CREBRF: variants seen among roughly 807,000 people sequenced by gnomAD.
CREBRF encodes CREB3 regulatory factor.
A neutral mutation model predicts 66.1 loss-of-function variants in CREBRF; 5 were observed. The observed-to-expected ratio is 0.08, with a 90% confidence interval of 0.04 to 0.16. The LOEUF is 0.16. CREBRF is among the 10% of genes least tolerant of loss of function. The pLI is 1.00. For synonymous variants in CREBRF, 229 were observed against 264.4 expected (o/e 0.87, Z 1.30); for missense variants, 531 against 744.9 (o/e 0.71, Z 3.34).
chr5:173,073,802 C>T (rs905577975), intron 1 of CREBRF, among the ~76,000 whole-genome samples: 1 of 151,812 alleles, frequency 6.6e-6, no homozygotes, highest in African/African-American at 2.4e-5. Context: ...ACCGTCTCTA[C>T]TAAAGATACA....
chr5:173,082,026 T>TTTTTTTTTTTTTTTTTTTTTTTTTTG (rs1757969455), intron 2 of CREBRF, among the ~76,000 whole-genome samples: 1 of 102,246 alleles, frequency 9.8e-6, no homozygotes, highest in Non-Finnish European at 2.2e-5. Context: ...TTTTTTTTTT[T>TTTTTTTTTTTTTTTTTTTTTTTTTTG]TTTTTGAGCT....
intron 1 of CREBRF, among the ~76,000 whole-genome samples, chr5:173,059,265 CT>C (rs60946984): frequency 0.18 from 12,075 of 65,302 alleles, 657 homozygotes; most frequent in African/African-American, 0.29. Context: ...TCTTTTTTTT[CT>C]TTTTTTTTTT....
intron 4 of CREBRF, among the ~76,000 whole-genome samples, chr5:173,099,739 CAT>C (rs2113754912): frequency 6.6e-6 from 1 of 152,064 alleles, no homozygotes; most frequent in East Asian, 1.9e-4. Flanking sequence ...TTGTGATTAT[CAT>C]GGGGCTTACA....
chr5:173,068,140 C>G (rs1352619648), intron 1 of CREBRF: 1 of 453,816 alleles, frequency 2.2e-6, no homozygotes. Context: ...AAGTTAAAAA[C>G]TAACGAGTTA....
At chr5:173,094,174 T>C (rs746465259) in intron 4 of CREBRF, among the ~76,000 whole-genome samples, 13 of 152,206 alleles carry the variant, frequency 8.5e-5, no homozygotes, top group Non-Finnish European at 1.3e-4. Context: ...ATTTTCTTTA[T>C]GTATATGTTC....
intron 1 of CREBRF, among the ~76,000 whole-genome samples, chr5:173,067,809 G>T (rs891962641): frequency 2.0e-5 from 3 of 152,076 alleles, no homozygotes; most frequent in Non-Finnish European, 4.4e-5. Flanking sequence ...GACCATCTTG[G>T]CTAACGCAGT....
At chr5:173,115,095 T>C (rs924723468) in intron 7 of CREBRF, among the ~76,000 whole-genome samples, 1 of 152,062 alleles carries the variant, frequency 6.6e-6, no homozygotes, top group African/African-American at 2.4e-5. Flanking sequence ...TTTTTTCTTT[T>C]TCTTTTCTTT....
intron 7 of CREBRF, 146 bp from the exon 8 acceptor site, chr5:173,122,933 AT>A: frequency 1.7e-6 from 1 of 604,958 alleles, no homozygotes; most frequent in Non-Finnish European, 2.7e-6. Flanking sequence ...TGAACTCATC[AT>A]TTTTTATGGC....
chr5:173,118,401 G>GT (rs1361461742), intron 7 of CREBRF, among the ~76,000 whole-genome samples: 1 of 151,818 alleles, frequency 6.6e-6, no homozygotes, highest in Non-Finnish European at 1.5e-5. Context: ...GTTTTGTGTT[G>GT]TAAGAAACCT....
intron 1 of CREBRF, among the ~76,000 whole-genome samples, chr5:173,065,951 T>A (rs1757425977): frequency 6.6e-6 from 1 of 152,124 alleles, no homozygotes; most frequent in Non-Finnish European, 1.5e-5. Flanking sequence ...GGGTTTCTCT[T>A]TGCCCCTACC....
intron 7 of CREBRF, among the ~76,000 whole-genome samples, chr5:173,115,496 C>T (rs1385077466): frequency 6.6e-6 from 1 of 152,186 alleles, no homozygotes; most frequent in Non-Finnish European, 1.5e-5. Flanking sequence ...AGCCTTTATG[C>T]AAATATCCTT....
At chr5:173,065,355 A>G (rs1757402967) in intron 1 of CREBRF, among the ~76,000 whole-genome samples, 1 of 152,162 alleles carries the variant, frequency 6.6e-6, no homozygotes, top group Non-Finnish European at 1.5e-5. Flanking sequence ...CTGATGTGTA[A>G]GATTTAGGAG....
intron 1 of CREBRF, chr5:173,068,209 G>A: frequency 2.4e-6 from 1 of 423,674 alleles, no homozygotes; most frequent in Non-Finnish European, 4.8e-6. Flanking sequence ...ACTGCCTGAT[G>A]GAGGAGTGGA....
intron 3 of CREBRF, 44 bp downstream of exon 3, chr5:173,086,670 A>G: frequency 6.5e-7 from 1 of 1,547,736 alleles, no homozygotes; most frequent in Non-Finnish European, 8.7e-7. Flanking sequence ...GATTTGGGGT[A>G]AAAGTTTGTG....
At chr5:173,075,929 A>AT (rs1757747828) in intron 1 of CREBRF, among the ~76,000 whole-genome samples, 1 of 151,986 alleles carries the variant, frequency 6.6e-6, no homozygotes, top group African/African-American at 2.4e-5. Flanking sequence ...TTTAAAGAAA[A>AT]GAGATTTATC....
intron 2 of CREBRF, 66 bp downstream of exon 2, chr5:173,080,850 T>A: frequency 6.8e-7 from 1 of 1,480,362 alleles, no homozygotes; most frequent in Non-Finnish European, 9.4e-7. Context: ...TACCTTTGAC[T>A]CTTAAATGAA....
intron 4 of CREBRF, among the ~76,000 whole-genome samples, chr5:173,094,351 G>A (rs757799684): frequency 1.3e-5 from 2 of 152,092 alleles, no homozygotes; most frequent in South Asian, 2.1e-4. Flanking sequence ...ATTTTTTGAG[G>A]AACTTCCATG....
rs1157307750 is a variant in CREBRF, at chr5:173,138,769, A to G, written c.*5024A>G. The G allele has an allele frequency of 6.6e-6, 1 of 152,032 alleles. No homozygotes were observed. Among genetic ancestry groups the G allele is most frequent in the African/African-American group, 2.4e-5 (1 of 41,380 alleles). The allele number at this position is 152,032 out of a possible 1,614,324, so 9.4% of individuals were successfully genotyped here. On this transcript the variant is annotated 3_prime_UTR_variant, in exon 9 of 9. Transcript: ENST00000296953. ...TGTGTACTGTATCTGCCTTTCCACCACATTTTTATGACACTGTATTCCACT... is the reference window on the plus strand; with the variant it reads ...TGTGTACTGTATCTGCCTTTCCACCGCATTTTTATGACACTGTATTCCACT...
In CREBRF at chr5:173,134,203, C is replaced by T. The variant is rs1361730232; in HGVS notation, c.*458C>T. 2 of 151,196 alleles carry T rather than the reference C, an allele frequency of 1.3e-5. No individual in the cohort carries two copies. Among genetic ancestry groups the T allele is most frequent in the Non-Finnish European group, 2.9e-5 (2 of 68,458 alleles). The allele number at this position is 151,196 out of a possible 1,614,324, so 9.4% of individuals were successfully genotyped here. ...TAATCTCACTTGTATATGGCACACC[C>T]AGCACTTGTGCCTGTGGGCCATATT... is the stretch of plus-strand genomic sequence containing the variant. On this transcript the variant is annotated 3_prime_UTR_variant, in exon 9 of 9. Transcript: ENST00000296953.
Sources: gnomAD v4.1 joint callset for allele counts (sites outside exome capture counted in the v4.1 genomes callset) on GRCh38, gnomAD v4.1.1 for gene constraint, MANE v1.5 for transcripts, NCBI Gene and HGNC (gene_info 2026-07-23, HGNC 2026-07-21) for gene names.